The following LARGE1 variants were observed in gnomAD, a reference collection of about 807,000 sequenced individuals.
The protein encoded by LARGE1 is LARGE xylosyl- and glucuronyltransferase 1.
Under a neutral mutation model 87.6 loss-of-function variants are expected in LARGE1, and 43 were observed. The observed-to-expected ratio is 0.49, with a 90% CI of 0.38 to 0.63. The LOEUF is 0.63. Among genes scored for constraint, LARGE1 ranks in the 30% least tolerant of loss-of-function variants. The pLI, the probability that LARGE1 is intolerant of heterozygous loss-of-function variation, is 0.00. For missense variants in LARGE1, 802 were observed against 1,000.2 expected (o/e 0.80, Z 2.67); for synonymous variants, 434 against 394.6 (o/e 1.10, Z -1.18).
intron 1 of LARGE1, among the ~76,000 whole-genome samples, chr22:33,773,366 G>A (rs541901445): frequency 1.7e-4 from 26 of 152,338 alleles, no homozygotes; most frequent in Non-Finnish European, 2.8e-4. Flanking sequence ...AGGACCACAA[G>A]GGTCCACTCC....
chr22:33,754,708 G>A (rs1004321094), intron 2 of LARGE1, among the ~76,000 whole-genome samples: 6 of 151,932 alleles, frequency 3.9e-5, no homozygotes, highest in Non-Finnish European at 7.4e-5. Flanking sequence ...TTTTGCATTC[G>A]GCATCCTATG....
intron 10 of LARGE1, among the ~76,000 whole-genome samples, chr22:33,324,781 G>GA (rs1937095216): frequency 1.3e-5 from 2 of 152,182 alleles, no homozygotes; most frequent in South Asian, 4.1e-4. Flanking sequence ...GGGGATAACT[G>GA]AAAAGCGAGA....
intron 10 of LARGE1, among the ~76,000 whole-genome samples, chr22:33,333,578 C>T (rs1938026107): frequency 6.6e-6 from 1 of 152,200 alleles, no homozygotes; most frequent in African/African-American, 2.4e-5. Flanking sequence ...ACTTCTTCAT[C>T]TGCTCTTCCC....
At chr22:33,102,102 A>C in the LARGE1 span, among the ~76,000 whole-genome samples, 2 of 150,162 alleles carry the variant, frequency 1.3e-5, no homozygotes, top group East Asian at 3.9e-4. Context: ...TTGCCCATAA[A>C]CTGTTTCCCT....
intron 7 of LARGE1, among the ~76,000 whole-genome samples, chr22:33,390,243 A>G (rs1234969103): frequency 6.6e-6 from 1 of 152,190 alleles, no homozygotes; most frequent in South Asian, 2.1e-4. Context: ...AACATTCATG[A>G]GCAAACATGT....
intron 3 of LARGE1, among the ~76,000 whole-genome samples, chr22:33,643,321 A>G (rs1042882820): frequency 6.6e-6 from 1 of 152,240 alleles, no homozygotes; most frequent in Non-Finnish European, 1.5e-5. Flanking sequence ...AAATTAAGGC[A>G]GAAATAAATA....
chr22:33,211,569 C>T (rs959526300), intron 11 of LARGE1, among the ~76,000 whole-genome samples: 2 of 151,984 alleles, frequency 1.3e-5, no homozygotes, highest in East Asian at 1.9e-4. Context: ...GTCAGGAGTC[C>T]GAGACCAGCC....
chr22:33,392,967 T>C (rs1019571044), intron 7 of LARGE1, among the ~76,000 whole-genome samples: 7 of 152,190 alleles, frequency 4.6e-5, no homozygotes, highest in African/African-American at 7.2e-5. Context: ...GCTTATAGTG[T>C]CACAGCCTGC....
intron 1 of LARGE1, among the ~76,000 whole-genome samples, chr22:33,900,534 A>C (rs1032887374): frequency 3.3e-5 from 5 of 152,216 alleles, no homozygotes; most frequent in Non-Finnish European, 5.9e-5. Context: ...CTTACATTAA[A>C]GGCGAGAACA....
chr22:33,353,805 A>C (rs1940635245), intron 9 of LARGE1, among the ~76,000 whole-genome samples: 1 of 152,244 alleles, frequency 6.6e-6, no homozygotes, highest in Non-Finnish European at 1.5e-5. Flanking sequence ...CAAAAGAATT[A>C]TGGAGTAAGG....
At chr22:33,892,508 G>T (rs2065030858) in intron 1 of LARGE1, among the ~76,000 whole-genome samples, 1 of 152,146 alleles carries the variant, frequency 6.6e-6, no homozygotes, top group African/African-American at 2.4e-5. Context: ...AAAGGAGTTG[G>T]GTAGGAAATC....
At chr22:33,315,148 G>A (rs1205317976) in intron 11 of LARGE1, among the ~76,000 whole-genome samples, 1 of 152,176 alleles carries the variant, frequency 6.6e-6, no homozygotes, top group Non-Finnish European at 1.5e-5. Context: ...GGCGTGTATT[G>A]CTGTTTATGT....
intron 6 of LARGE1, among the ~76,000 whole-genome samples, chr22:33,479,531 C>A (rs1197694716): frequency 1.3e-5 from 2 of 152,152 alleles, no homozygotes; most frequent in Non-Finnish European, 2.9e-5. Context: ...TGGCATATAA[C>A]AGAAACTAAA....
intron 11 of LARGE1, among the ~76,000 whole-genome samples, chr22:33,314,903 G>A (rs996463033): frequency 6.6e-6 from 1 of 152,180 alleles, no homozygotes; most frequent in African/African-American, 2.4e-5. Context: ...GGCAGCCAGA[G>A]ATGTTTTTAA....
chr22:33,398,170 T>G (rs528801000), intron 7 of LARGE1, among the ~76,000 whole-genome samples: 1 of 152,076 alleles, frequency 6.6e-6, no homozygotes, highest in East Asian at 1.9e-4. Context: ...GGGTGGGTGA[T>G]GCCTGCTGCC....
intron 1 of LARGE1, among the ~76,000 whole-genome samples, chr22:33,817,631 A>T (rs1047132024): frequency 2.0e-5 from 3 of 152,098 alleles, no homozygotes; most frequent in African/African-American, 7.2e-5. Context: ...TAGAGCACAG[A>T]GCTGCTCGAA....
the LARGE1 span, among the ~76,000 whole-genome samples, chr22:33,080,771 T>C: frequency 1.4e-4 from 21 of 152,200 alleles, no homozygotes; most frequent in Non-Finnish European, 7.3e-5. Context: ...TTCAGGCAGT[T>C]AGCTCCAGAG....
chr22:33,476,633 T>A (rs1192995920), intron 6 of LARGE1, among the ~76,000 whole-genome samples: 3 of 152,222 alleles, frequency 2.0e-5, no homozygotes, highest in Non-Finnish European at 4.4e-5. Flanking sequence ...TCAGATACTT[T>A]GGGTTCATAT....
At chr22:33,607,921 G>A (rs982048093) in intron 4 of LARGE1, among the ~76,000 whole-genome samples, 2 of 152,192 alleles carry the variant, frequency 1.3e-5, no homozygotes, top group Non-Finnish European at 2.9e-5. Flanking sequence ...AGGGGAAAGG[G>A]GCATATTTTC....
Sources: gnomAD v4.1 joint callset for allele counts (sites outside exome capture counted in the v4.1 genomes callset) on GRCh38, gnomAD v4.1.1 for gene constraint, MANE v1.5 for transcripts, NCBI Gene and HGNC (gene_info 2026-07-23, HGNC 2026-07-21) for gene names.